BNC2: variants seen among roughly 807,000 people sequenced by gnomAD.
BNC2 encodes the protein basonuclin zinc finger protein 2, also known as zinc finger protein basonuclin-2.
A neutral mutation model predicts 76.3 loss-of-function variants in BNC2; 20 were observed. The ratio of observed to expected loss-of-function variants is 0.26; its 90% CI spans 0.18 to 0.38. The LOEUF (loss-of-function observed/expected upper bound fraction) is 0.38, where lower values mean the gene tolerates loss of function less well. BNC2 is among the 10% of genes least tolerant of loss of function. The probability of loss-of-function intolerance (pLI) is 1.00; values close to 1 mark genes in which losing one functional copy is unlikely to be tolerated. For synonymous variants in BNC2, 582 were observed against 514.8 expected, an observed-to-expected ratio of 1.13 and a Z score of -1.77; for missense variants, 1,382 against 1,399.8, an observed-to-expected ratio of 0.99 and a Z score of 0.20.
intron 6 of BNC2, among the ~76,000 whole-genome samples, chr9:16,424,093 G>A (rs2119177576): frequency 6.6e-6 from 1 of 152,224 alleles, no homozygotes; most frequent in South Asian, 2.1e-4. Flanking sequence ...TCAAGTAAGT[G>A]CAAATGCCCT....
Position 16,694,949 on chromosome 9 carries a change from C to T in BNC2, c.330+32848G>A, listed in dbSNP as rs189222017. ...GATGAAAAGCTGTAGTAGTCTGTAT[C>T]AGACAGGTAAAAAGTGAATGTAAAC... On this transcript the variant is annotated intron_variant, in intron 3 of 6. Transcript: ENST00000380672. Among the ~76,000 whole-genome samples, 571 of 152,274 alleles carry T rather than the reference C, an allele frequency of 3.7e-3. 4 individuals carry two copies. Among genetic ancestry groups the T allele is most frequent in the Middle Eastern group, 6.8e-3 (2 of 294 alleles).
chr9:16,717,138 T>C (rs1366952223), intron 3 of BNC2, among the ~76,000 whole-genome samples: 1 of 152,214 alleles, frequency 6.6e-6, no homozygotes, highest in Non-Finnish European at 1.5e-5. Flanking sequence ...AATAGACACC[T>C]GGAACTCAGT....
At chr9:16,631,108 G>A (rs994348986) in intron 3 of BNC2, among the ~76,000 whole-genome samples, 4 of 152,020 alleles carry the variant, frequency 2.6e-5, no homozygotes, top group South Asian at 2.1e-4. Context: ...TATGGGGTAC[G>A]TGTGTGTTCT....
At chr9:16,591,369 G>A (rs1186541752) in intron 3 of BNC2, among the ~76,000 whole-genome samples, 1 of 152,110 alleles carries the variant, frequency 6.6e-6, no homozygotes, top group Non-Finnish European at 1.5e-5. Context: ...GTATCAAAAG[G>A]AGACAAGGAA....
chr9:16,438,123 T>G (rs1821057654), intron 5 of BNC2, among the ~76,000 whole-genome samples: 1 of 151,010 alleles, frequency 6.6e-6, no homozygotes, highest in East Asian at 1.9e-4. Flanking sequence ...TTTTTTTGAG[T>G]GGCTATATTT....
intron 1 of BNC2, among the ~76,000 whole-genome samples, chr9:16,782,689 G>C (rs1421985011): frequency 6.6e-6 from 1 of 152,092 alleles, no homozygotes; most frequent in Admixed American, 6.5e-5. Flanking sequence ...GGGCTTAGGG[G>C]TTCCACACCA....
chr9:16,658,966 C>A (rs1464733002), intron 3 of BNC2, among the ~76,000 whole-genome samples: 1 of 152,210 alleles, frequency 6.6e-6, no homozygotes, highest in African/African-American at 2.4e-5. Context: ...TACGCCGATA[C>A]ACAAACCATT....
chr9:16,739,453 A>G lies in BNC2; in HGVS notation c.4-968T>C, dbSNP rs564070530. Among the ~76,000 whole-genome samples the G allele has an allele frequency of 5.9e-5, 9 of 152,314 alleles. No individual in the cohort carries two copies. The South Asian group carries it at 1.9e-3, about 32-fold the overall frequency. ...GAAAGCCGAGGCGGGCAGATAACCT[A>G]AAGTCAGGAGTTCGAGACCATCCTG... On this transcript the variant is annotated intron_variant, in intron 1 of 6. Coordinates refer to ENST00000380672, the MANE Select transcript of BNC2 (RefSeq NM_017637.6).
intron 1 of BNC2, among the ~76,000 whole-genome samples, chr9:16,780,593 G>A (rs1165308656): frequency 6.6e-6 from 1 of 152,018 alleles, no homozygotes; most frequent in East Asian, 1.9e-4. Context: ...TCTTAAGTAG[G>A]TGAATTGTAT....
At chr9:16,561,996 C>A (rs1819030711) in intron 4 of BNC2, among the ~76,000 whole-genome samples, 2 of 152,014 alleles carry the variant, frequency 1.3e-5, no homozygotes, top group Admixed American at 1.3e-4. Flanking sequence ...CAGAGTGAGA[C>A]CCTGTCTCAA....
intron 3 of BNC2, among the ~76,000 whole-genome samples, chr9:16,657,535 A>G (rs755699809): frequency 6.6e-6 from 1 of 152,158 alleles, no homozygotes; most frequent in East Asian, 1.9e-4. Flanking sequence ...TCCTCTTTCT[A>G]AAGGCTGAGT....
intron 3 of BNC2, among the ~76,000 whole-genome samples, chr9:16,631,961 C>T (rs1000606646): frequency 1.3e-5 from 2 of 152,144 alleles, no homozygotes; most frequent in African/African-American, 4.8e-5. Context: ...ACAAAATCGG[C>T]AAAGAACTAC....
intron 3 of BNC2, among the ~76,000 whole-genome samples, chr9:16,602,053 T>G (rs572403680): frequency 6.6e-6 from 1 of 152,136 alleles, no homozygotes; most frequent in Non-Finnish European, 1.5e-5. Context: ...GGTACCATTC[T>G]GCTTTCATAA....
chr9:16,450,911 T>A (rs1821326815), intron 5 of BNC2, among the ~76,000 whole-genome samples: 1 of 152,222 alleles, frequency 6.6e-6, no homozygotes, highest in African/African-American at 2.4e-5. Context: ...TACTCTTTTC[T>A]TTTAGTCTTT....
At chr9:16,850,772 A>G (rs1038859216) in intron 1 of BNC2, among the ~76,000 whole-genome samples, 2 of 151,762 alleles carry the variant, frequency 1.3e-5, no homozygotes. Context: ...CACTCCGGTC[A>G]GGGTGACAGA....
chr9:16,713,428 C>T lies in BNC2; in HGVS notation c.330+14369G>A, dbSNP rs890794421. Among the ~76,000 whole-genome samples the T allele has an allele frequency of 4.9e-5, 7 of 144,238 alleles. No individual in the cohort carries two copies. In the Admixed American group the frequency reaches 5.0e-4, roughly 10 times the overall value. The allele number at this position is 144,238 out of a possible 152,430, so 94.6% of individuals were successfully genotyped here. A position where few individuals can be genotyped will look rare whatever the true frequency, so the allele number is the denominator to read the frequency against. ...TTTTCAAGGATAACCTGTAGAAAAC[C>T]AGCCTAGGAAAAGGCACTTTTTTTT... On this transcript the variant is annotated intron_variant, in intron 3 of 6. Transcript: ENST00000380672.
chr9:16,634,882 GGT>G (rs1821276691), intron 3 of BNC2, among the ~76,000 whole-genome samples: 1 of 106,420 alleles, frequency 9.4e-6, no homozygotes, highest in African/African-American at 6.2e-5. Flanking sequence ...TACTAATAAA[GGT>G]GTTTTTTTTT....
At chr9:16,657,547 C>G (rs1460820303) in intron 3 of BNC2, among the ~76,000 whole-genome samples, 1 of 152,078 alleles carries the variant, frequency 6.6e-6, no homozygotes, top group Non-Finnish European at 1.5e-5. Context: ...AGGCTGAGTT[C>G]TGAATGGAAG....
rs928153021 is a variant in BNC2, at chr9:16,416,770, T to C, written c.*2219A>G. ...GACATAGCTAGCTTATCTTTAAGAA[T>C]CTATTGTTTCTGAAATTTTCACAAC... is the stretch of plus-strand genomic sequence containing the variant. On this transcript the variant is annotated 3_prime_UTR_variant, in exon 7 of 7. Transcript: ENST00000380672. 2.6e-5 allele frequency: 4 copies of C among 152,604 alleles called. No individual in the cohort carries two copies. Among genetic ancestry groups the C allele is most frequent in the African/African-American group, 4.8e-5 (2 of 41,452 alleles). 9.5% of individuals were successfully genotyped at this position (152,604 alleles called of 1,614,324 possible).
Sources: allele counts gnomAD v4.1 joint callset (sites outside exome capture counted in the v4.1 genomes callset), GRCh38; gene constraint gnomAD v4.1.1; transcripts MANE v1.5; gene names NCBI Gene and HGNC (gene_info 2026-07-23, HGNC 2026-07-21).